CUEDC1: variants seen among roughly 807,000 people sequenced by gnomAD.
CUEDC1 encodes CUE domain-containing protein 1.
A neutral mutation model predicts 43.7 loss-of-function variants in CUEDC1; 30 were observed. The ratio of observed to expected loss-of-function variants is 0.69; its 90% CI spans 0.51 to 0.93. CUEDC1 has a LOEUF of 0.93. Ranked by LOEUF, CUEDC1 falls within the 40% of genes least tolerant of loss-of-function variation. The pLI, the probability that CUEDC1 is intolerant of heterozygous loss-of-function variation, is 0.00. For missense variants in CUEDC1, 486 were observed against 549.0 expected (o/e 0.89, Z 1.15); for synonymous variants, 223 against 223.6 (o/e 1.00, Z 0.02).
At chr17:57,949,839 C>T (rs2074989981) in intron 1 of CUEDC1, among the ~76,000 whole-genome samples, 1 of 152,060 alleles carries the variant, frequency 6.6e-6, no homozygotes, top group Admixed American at 6.6e-5. Context: ...GCTAGGATTA[C>T]AGGCATGAAC....
intron 1 of CUEDC1, among the ~76,000 whole-genome samples, chr17:57,933,229 G>A (rs550829961): frequency 4.6e-5 from 7 of 152,308 alleles, no homozygotes; most frequent in African/African-American, 1.7e-4. Flanking sequence ...GAACAGAGCT[G>A]CTCTGGACAT....
rs1275854571 is a variant in CUEDC1, at chr17:57,926,782, A to T, written c.-316+28443T>A. On this transcript the variant is annotated intron_variant, in intron 1 of 10. Transcript: ENST00000577830. The stretch of plus-strand genomic sequence containing the variant: ...AAATTAGAGGCAAAAATATAACCAC[A>T]TCGTTTTTCTTTTCAAACCACTCAT... Among the ~76,000 whole-genome samples the T allele has an allele frequency of 1.1e-3, 173 of 152,338 alleles. 2 individuals carry two copies. The highest frequency in any genetic ancestry group is 4.1e-3 in the African/African-American group (169 of 41,570).
At chr17:57,888,462 C>A (rs1020426214) in intron 1 of CUEDC1, among the ~76,000 whole-genome samples, 2 of 152,244 alleles carry the variant, frequency 1.3e-5, no homozygotes, top group African/African-American at 4.8e-5. Context: ...ACGCCCAAGC[C>A]ATTTCACAAG....
At chr17:57,932,662 G>C (rs921825814) in intron 1 of CUEDC1, among the ~76,000 whole-genome samples, 3 of 148,270 alleles carry the variant, frequency 2.0e-5, no homozygotes, top group African/African-American at 5.0e-5. Flanking sequence ...AGGAGTTCCA[G>C]ATCAGCCTGG....
At position 57,862,728 on chromosome 17, in the gene CUEDC1, A is replaced by C. The variant is rs1455312115; in HGVS notation, c.*561T>G. 6.5e-6 allele frequency: 1 copy of C among 152,682 alleles called. No homozygotes were observed. The highest frequency in any genetic ancestry group is 2.4e-5 in the African/African-American group (1 of 41,466). The allele number at this position is 152,682 out of a possible 1,614,324, so 9.5% of individuals were successfully genotyped here. A position where few individuals can be genotyped will look rare whatever the true frequency, so the allele number is the denominator to read the frequency against. On this transcript the variant is annotated 3_prime_UTR_variant, in exon 11 of 11. Coordinates refer to ENST00000577830, the MANE Select transcript of CUEDC1 (RefSeq NM_001271875.2). ...GGGTGCAGGGCTCGTGTGCTGGGCC[A>C]GCAGCCCCGGGGGAAGGCTGAGATA...
chr17:57,939,323 G>C (rs1193847809), intron 1 of CUEDC1, among the ~76,000 whole-genome samples: 5 of 151,790 alleles, frequency 3.3e-5, no homozygotes, highest in Admixed American at 3.3e-4. Context: ...GGAGTGCAGT[G>C]GAACAATCCC....
chr17:57,873,292 G>T (rs996269597), intron 4 of CUEDC1, among the ~76,000 whole-genome samples: 14 of 152,256 alleles, frequency 9.2e-5, no homozygotes, highest in South Asian at 4.1e-4. Context: ...AGGAAGGGGG[G>T]TGCTCTGGCC....
chr17:57,922,894 TA>T (rs1354562868), intron 1 of CUEDC1, among the ~76,000 whole-genome samples: 3 of 146,296 alleles, frequency 2.1e-5, no homozygotes, highest in Non-Finnish European at 4.6e-5. Flanking sequence ...TTTTTTTTTT[TA>T]AATAGGGTCT....
rs574572863 is a variant in CUEDC1 at position 57,888,548 on chromosome 17, T to G, written c.-315-2669A>C. On this transcript the variant is annotated intron_variant, in intron 1 of 10. Coordinates refer to ENST00000577830, the MANE Select transcript of CUEDC1 (RefSeq NM_001271875.2). ...GAAGGAACATAGGAAGGTAGCCAAG[T>G]ATGACATGGCTTCCCATAGCCGGCT... Among the ~76,000 whole-genome samples the G allele has an allele frequency of 6.6e-5, 10 of 152,368 alleles. No individual in the cohort carries two copies. The East Asian group carries it at 1.3e-3, about 21-fold the overall frequency.
intron 1 of CUEDC1, among the ~76,000 whole-genome samples, chr17:57,917,758 AT>A (rs2074657626): frequency 6.6e-6 from 1 of 152,218 alleles, no homozygotes; most frequent in Non-Finnish European, 1.5e-5. Context: ...CACCTGCCAC[AT>A]CAGCCTCATT....
intron 3 of CUEDC1, among the ~76,000 whole-genome samples, chr17:57,876,782 A>C (rs1026764683): frequency 6.6e-6 from 1 of 152,160 alleles, no homozygotes; most frequent in African/African-American, 2.4e-5. Context: ...CCCTGGTCTC[A>C]ATGTTAGAGC....
At chr17:57,868,308 G>C in intron 7 of CUEDC1, 65 bp from the exon 8 acceptor site, 1 of 1,465,972 alleles carries the variant, frequency 6.8e-7, no homozygotes, top group Non-Finnish European at 9.6e-7. Context: ...CCTCCTCCCA[G>C]GTGTGGGAAA....
rs1344343140 is a variant in CUEDC1 at position 57,930,486 on chromosome 17, G to A, written c.-316+24739C>T. Among the ~76,000 whole-genome samples, 1 of 152,220 alleles carries A rather than the reference G, an allele frequency of 6.6e-6. No individual in the cohort carries two copies. The highest frequency in any genetic ancestry group is 1.5e-5 in the Non-Finnish European group (1 of 68,040). ...CTCCGTCCCAGGGGTTTAACAGAAG[G>A]CAGAGAAAAGCAGCTCAGAAGCACT... On this transcript the variant is annotated intron_variant, in intron 1 of 10. Transcript: ENST00000577830. This position sits in a 1 kb window ranked among gnomAD's most constrained non-coding sequence, Gnocchi z 4.2.
At chr17:57,933,761 T>A (rs2074832912) in intron 1 of CUEDC1, among the ~76,000 whole-genome samples, 1 of 152,044 alleles carries the variant, frequency 6.6e-6, no homozygotes, top group South Asian at 2.1e-4. Context: ...GATGCTGCAT[T>A]CCCCAGGCCG....
At chr17:57,940,076 T>C (rs544411803) in intron 1 of CUEDC1, among the ~76,000 whole-genome samples, 81 of 152,244 alleles carry the variant, frequency 5.3e-4, no homozygotes, top group Admixed American at 2.0e-3. Context: ...CTGGCATCAC[T>C]ATCCTCCCTG....
At chr17:57,910,483 G>A (rs948438998) in intron 1 of CUEDC1, among the ~76,000 whole-genome samples, 3 of 151,820 alleles carry the variant, frequency 2.0e-5, no homozygotes, top group Non-Finnish European at 2.9e-5. Context: ...TGCCTAGGGC[G>A]GGGCACAGTG....
chr17:57,935,742 C>T (rs1043092101), intron 1 of CUEDC1, among the ~76,000 whole-genome samples: 4 of 152,174 alleles, frequency 2.6e-5, no homozygotes, highest in African/African-American at 9.6e-5. Context: ...GGGCCAGGCC[C>T]GCCTGGAGCA....
At position 57,861,929 on chromosome 17, in the gene CUEDC1, C is replaced by T. The variant is rs1010256256; in HGVS notation, c.*1360G>A. ...GCGCGTTTCCAAACTTGGTCACGCT[C>T]GGCGGCGGCTGCGCGTCCCGGCCCT... On this transcript the variant is annotated 3_prime_UTR_variant, in exon 11 of 11. Coordinates refer to ENST00000577830, the MANE Select transcript of CUEDC1 (RefSeq NM_001271875.2). 6.6e-6 allele frequency: 1 copy of T among 151,564 alleles called. No homozygotes were observed. The highest frequency in any genetic ancestry group is 2.4e-5 in the African/African-American group (1 of 41,320). 9.4% of individuals were successfully genotyped at this position (151,564 alleles called of 1,614,324 possible).
At chr17:57,942,214 G>A (rs1374940005) in intron 1 of CUEDC1, among the ~76,000 whole-genome samples, 1 of 152,146 alleles carries the variant, frequency 6.6e-6, no homozygotes, top group Non-Finnish European at 1.5e-5. Flanking sequence ...TGGGCTGGGA[G>A]TGCTCACATC....
Sources: gnomAD v4.1 joint callset for allele counts (sites outside exome capture counted in the v4.1 genomes callset) on GRCh38, gnomAD v4.1.1 for gene constraint, Gnocchi (gnomAD v3.1) non-coding constraint, MANE v1.5 for transcripts, NCBI Gene and HGNC (gene_info 2026-07-23, HGNC 2026-07-21) for gene names.